Variants in ERCC6L2 observed in about 807,000 individuals in gnomAD.
ERCC6L2 encodes the protein ERCC excision repair 6 like 2, also known as DNA excision repair protein ERCC-6-like 2.
In ERCC6L2, 77 loss-of-function variants were observed where a neutral mutation model predicts 132.0. The observed-to-expected ratio is 0.58, with a 90% CI of 0.49 to 0.71. The LOEUF (loss-of-function observed/expected upper bound fraction) is 0.71. Among genes scored for constraint, ERCC6L2 ranks in the 30% least tolerant of loss-of-function variants. ERCC6L2 has a pLI of 0.00. For synonymous variants in ERCC6L2, 583 were observed against 632.4 expected, an observed-to-expected ratio of 0.92 and a Z score of 1.17; for missense variants, 1,542 against 1,837.6, an observed-to-expected ratio of 0.84 and a Z score of 2.94.
intron 2 of ERCC6L2, among the ~76,000 whole-genome samples, chr9:95,885,436 A>T (rs554135994): frequency 1.1e-4 from 17 of 152,264 alleles, no homozygotes; most frequent in South Asian, 2.1e-4. Flanking sequence ...ATCACCTACT[A>T]TTTTTGGTTT....
At chr9:96,024,640 CCACT>C (rs1319359370) in intron 19 of ERCC6L2, among the ~76,000 whole-genome samples, 1 of 152,094 alleles carries the variant, frequency 6.6e-6, no homozygotes, top group Non-Finnish European at 1.5e-5. Flanking sequence ...AGGGGCCCCT[CCACT>C]CACTCTCATG....
At chr9:95,891,642 A>G (rs1828172306) in intron 2 of ERCC6L2, among the ~76,000 whole-genome samples, 1 of 151,970 alleles carries the variant, frequency 6.6e-6, no homozygotes, top group Non-Finnish European at 1.5e-5. Context: ...CAATGGCTAA[A>G]ACATTTTACA....
chr9:95,944,204 A>G (rs1299423813), intron 12 of ERCC6L2, among the ~76,000 whole-genome samples: 2 of 152,262 alleles, frequency 1.3e-5, no homozygotes, highest in Admixed American at 1.3e-4. Context: ...AAAAGAAATG[A>G]AATTCTGATA....
intron 1 of ERCC6L2, among the ~76,000 whole-genome samples, chr9:95,878,005 CAATAAAA>C (rs1827379788): frequency 1.3e-5 from 2 of 152,054 alleles, no homozygotes; most frequent in South Asian, 4.1e-4. Flanking sequence ...GCTACAGAGG[CAATAAAA>C]TGATGAGATA....
intron 4 of ERCC6L2, among the ~76,000 whole-genome samples, chr9:95,909,242 G>A (rs1311552040): frequency 2.0e-5 from 3 of 151,936 alleles, no homozygotes; most frequent in African/African-American, 4.8e-5. Context: ...ATATAGTCTC[G>A]GTTGCATATT....
chr9:95,993,840 C>A (rs1212130986), intron 17 of ERCC6L2, among the ~76,000 whole-genome samples: 2 of 152,160 alleles, frequency 1.3e-5, no homozygotes, highest in Non-Finnish European at 2.9e-5. Context: ...CCCTCTCTCC[C>A]CAGAAAAGGT....
chr9:96,009,444 TCCGGAAGCTTAGGCA>T (rs1277487823), intron 18 of ERCC6L2, among the ~76,000 whole-genome samples: 4 of 152,228 alleles, frequency 2.6e-5, no homozygotes, highest in Non-Finnish European at 5.9e-5. Flanking sequence ...CTCCTCTCCT[TCCGGAAGCTTAGGCA>T]GACAGAAGAT....
intron 2 of ERCC6L2, among the ~76,000 whole-genome samples, chr9:95,893,339 T>C (rs999736331): frequency 2.6e-5 from 4 of 152,214 alleles, no homozygotes; most frequent in Non-Finnish European, 5.9e-5. Context: ...TTTAAATTTC[T>C]GTGTTCTGTG....
intron 18 of ERCC6L2, among the ~76,000 whole-genome samples, chr9:96,011,243 ATCTCCC>A (rs1834017764): frequency 6.6e-6 from 1 of 152,250 alleles, no homozygotes; most frequent in African/African-American, 2.4e-5. Flanking sequence ...GGTGGCCACC[ATCTCCC>A]TGTATCCTTA....
chr9:96,023,718 G>A (rs992622446), intron 19 of ERCC6L2, among the ~76,000 whole-genome samples: 4 of 152,248 alleles, frequency 2.6e-5, no homozygotes, highest in Admixed American at 6.5e-5. Context: ...CTGGGGCAGT[G>A]AGGAGGATGT....
chr9:95,915,588 G>A, intron 4 of ERCC6L2, 80 bp from the exon 5 acceptor site: 1 of 1,390,172 alleles, frequency 7.2e-7, no homozygotes, highest in Non-Finnish European at 9.8e-7. Context: ...AACTTTGATA[G>A]AGAAAGCTAC....
At chr9:95,967,538 A>G (rs1157662188) in intron 14 of ERCC6L2, 1 of 152,228 alleles carries the variant, frequency 6.6e-6, no homozygotes, top group Non-Finnish European at 1.5e-5. Flanking sequence ...GAGGTGGAAG[A>G]GAACGTTTAC....
chr9:95,971,926 C>T lies in ERCC6L2; in HGVS notation c.2182-7C>T, dbSNP rs2133077479. 7.8e-7 allele frequency: 1 copy of T among 1,275,570 alleles called. No individual in the cohort carries two copies. Among genetic ancestry groups the T allele is most frequent in the South Asian group, 1.3e-5 (1 of 76,698 alleles). The allele number at this position is 1,275,570 out of a possible 1,614,324, so 79.0% of individuals were successfully genotyped here. Reference sequence around the variant, plus strand: ...TTCTGATGTTTTTGTCATTGTTTCTCCTATAGCCTAGACAGCCTGACTGTC... The same window carrying T: ...TTCTGATGTTTTTGTCATTGTTTCTTCTATAGCCTAGACAGCCTGACTGTC... On this transcript the variant is annotated splice_polypyrimidine_tract_variant and splice_region_variant and intron_variant, in intron 15 of 18. Transcript: ENST00000653738.
intron 9 of ERCC6L2, among the ~76,000 whole-genome samples, chr9:95,925,435 C>T (rs1342866855): frequency 6.6e-6 from 1 of 152,164 alleles, no homozygotes; most frequent in Non-Finnish European, 1.5e-5. Context: ...TCCAAGGTTC[C>T]TTGCTGTTAA....
In ERCC6L2 at chr9:95,892,813, T is replaced by G. The variant is rs189955775; in HGVS notation, c.472-5036T>G. ...GTCACAAACCTTTGTGATTGTTATA[T>G]CTTCCTGATGAATTGACCATTTTTT... On this transcript the variant is annotated intron_variant, in intron 2 of 18. Transcript: ENST00000653738. Among the ~76,000 whole-genome samples the G allele has an allele frequency of 1.1e-3, 165 of 152,338 alleles. 1 individual carries two copies. Among genetic ancestry groups the G allele is most frequent in the African/African-American group, 3.8e-3 (157 of 41,584 alleles).
intron 3 of ERCC6L2, among the ~76,000 whole-genome samples, chr9:95,905,818 A>C (rs1286650034): frequency 6.6e-6 from 1 of 152,234 alleles, no homozygotes; most frequent in Admixed American, 6.5e-5. Flanking sequence ...AATGTTTCAC[A>C]GAAAACAGAG....
At chr9:96,006,602 G>C (rs565634458) in intron 18 of ERCC6L2, among the ~76,000 whole-genome samples, 23 of 152,356 alleles carry the variant, frequency 1.5e-4, no homozygotes, top group African/African-American at 5.5e-4. Context: ...CCTGTTGTGT[G>C]TTGAGGGAAA....
chr9:95,982,007 T>C (rs979821708), intron 17 of ERCC6L2, among the ~76,000 whole-genome samples: 2 of 152,202 alleles, frequency 1.3e-5, no homozygotes, highest in African/African-American at 4.8e-5. Context: ...TATATCTGTA[T>C]TTTTATAAAT....
chr9:95,970,049 T>C (rs1434615699), intron 14 of ERCC6L2, among the ~76,000 whole-genome samples: 2 of 152,144 alleles, frequency 1.3e-5, no homozygotes, highest in African/African-American at 4.8e-5. Flanking sequence ...AACTAGAATA[T>C]TGTTTTTAGT....
Sources: allele counts gnomAD v4.1 joint callset (sites outside exome capture counted in the v4.1 genomes callset), GRCh38; gene constraint gnomAD v4.1.1; transcripts MANE v1.5; gene names NCBI Gene and HGNC (gene_info 2026-07-23, HGNC 2026-07-21).